The following SEL1L3 variants were observed in gnomAD, a reference collection of about 807,000 sequenced individuals.
SEL1L3 encodes protein sel-1 homolog 3.
A neutral mutation model predicts 142.8 loss-of-function variants in SEL1L3; 76 were observed. The ratio of observed to expected loss-of-function variants is 0.53; its 90% CI spans 0.44 to 0.64. The LOEUF is 0.64. SEL1L3 is among the 30% of genes least tolerant of loss of function. The pLI is 0.00. For missense variants in SEL1L3, 1,262 were observed against 1,381.7 expected (o/e 0.91, Z 1.37); for synonymous variants, 504 against 519.6 (o/e 0.97, Z 0.41).
At chr4:25,798,915 G>A (rs182552843) in intron 11 of SEL1L3, among the ~76,000 whole-genome samples, 1 of 152,298 alleles carries the variant, frequency 6.6e-6, no homozygotes, top group African/African-American at 2.4e-5. Context: ...CACAGCCTAG[G>A]TGACTCAGAA....
At chr4:25,855,228 T>A (rs1221972841) in intron 1 of SEL1L3, among the ~76,000 whole-genome samples, 1 of 152,262 alleles carries the variant, frequency 6.6e-6, no homozygotes, top group African/African-American at 2.4e-5. Flanking sequence ...ATAAGCTGTT[T>A]CCTGCCAGGA....
chr4:25,714,372 A>G, the SEL1L3 span, among the ~76,000 whole-genome samples: 1 of 152,126 alleles, frequency 6.6e-6, no homozygotes, highest in African/African-American at 2.4e-5. Flanking sequence ...ATACATTGCA[A>G]ATTTCATCAT....
At chr4:25,730,858 A>G in the SEL1L3 span, among the ~76,000 whole-genome samples, 1 of 152,106 alleles carries the variant, frequency 6.6e-6, no homozygotes, top group East Asian at 1.9e-4. Context: ...GCGAAACCCC[A>G]TCTTGGCTAA....
At chr4:25,721,877 G>A in the SEL1L3 span, among the ~76,000 whole-genome samples, 19 of 152,294 alleles carry the variant, frequency 1.2e-4, no homozygotes, top group African/African-American at 4.1e-4. Flanking sequence ...CATGATGGAC[G>A]TCTTCAAATG....
At chr4:25,847,067 G>A (rs1225848610) in intron 2 of SEL1L3, among the ~76,000 whole-genome samples, 1 of 152,010 alleles carries the variant, frequency 6.6e-6, no homozygotes, top group African/African-American at 2.4e-5. Context: ...CAGCTCCTCT[G>A]TTCTGTTCTT....
chr4:25,853,774 C>T (rs566191937), intron 1 of SEL1L3, among the ~76,000 whole-genome samples: 12 of 147,974 alleles, frequency 8.1e-5, no homozygotes, highest in Non-Finnish European at 1.2e-4. Context: ...CGGGTTCTAG[C>T]GATTCTCCTG....
intron 16 of SEL1L3, chr4:25,776,589 G>T: frequency 2.1e-6 from 1 of 482,578 alleles, no homozygotes; most frequent in South Asian, 2.5e-5. Flanking sequence ...TGGAAACAAA[G>T]ACATGTAAGA....
chr4:25,858,062 G>T (rs1415767102), intron 1 of SEL1L3, among the ~76,000 whole-genome samples: 1 of 152,258 alleles, frequency 6.6e-6, no homozygotes, highest in Non-Finnish European at 1.5e-5. Context: ...CTTTCTCAGG[G>T]GAATGGCATG....
chr4:25,824,239 G>A (rs547131358), intron 6 of SEL1L3, among the ~76,000 whole-genome samples: 3 of 152,212 alleles, frequency 2.0e-5, no homozygotes, highest in South Asian at 2.1e-4. Context: ...GGCACTAGAT[G>A]GATACAAAGC....
chr4:25,761,542 T>G (rs1214635164), intron 20 of SEL1L3, among the ~76,000 whole-genome samples: 3 of 152,224 alleles, frequency 2.0e-5, no homozygotes, highest in Non-Finnish European at 4.4e-5. Flanking sequence ...AATAGTCGTA[T>G]GCAATGTAAT....
intron 11 of SEL1L3, among the ~76,000 whole-genome samples, chr4:25,791,006 G>A (rs1013596115): frequency 1.3e-5 from 2 of 152,180 alleles, no homozygotes; most frequent in African/African-American, 4.8e-5. Context: ...ACGGTTGTTT[G>A]TTCCTATCAA....
rs191337194 is a variant in SEL1L3 at position 25,832,981 on chromosome 4, G to T, written c.1098+14C>A. 3.0e-4 allele frequency: 424 copies of T among 1,396,288 alleles called. 2 individuals carry two copies. In the Middle Eastern group the frequency reaches 3.9e-3, roughly 13 times the overall value. 86.5% of individuals were successfully genotyped at this position (1,396,288 alleles called of 1,614,324 possible). The stretch of plus-strand genomic sequence containing the variant: ...ATGCTCGTATGTCGTGTGATGAAGC[G>T]TGCATACAGATACCTGGCCTCCGTT... On this transcript the variant is annotated intron_variant, in intron 5 of 23. Transcript: ENST00000399878.
At chr4:25,771,449 C>A (rs1378943) in intron 17 of SEL1L3, among the ~76,000 whole-genome samples, 99,032 of 152,106 alleles carry the variant, frequency 0.65, 32,698 homozygotes, top group African/African-American at 0.74. Flanking sequence ...AATAATCAAT[C>A]CTTTGGCTGC....
intron 5 of SEL1L3, among the ~76,000 whole-genome samples, chr4:25,832,081 T>C (rs955433737): frequency 3.9e-5 from 6 of 152,180 alleles, no homozygotes; most frequent in African/African-American, 1.4e-4. Flanking sequence ...CACCGCTATG[T>C]CACTGAACAT....
intron 6 of SEL1L3, among the ~76,000 whole-genome samples, chr4:25,824,377 T>C (rs753496050): frequency 1.3e-5 from 2 of 152,200 alleles, no homozygotes; most frequent in Non-Finnish European, 2.9e-5. Flanking sequence ...ACCGCCTCAC[T>C]GCCTAGAGCT....
At chr4:25,801,245 A>T (rs1713162865) in intron 11 of SEL1L3, among the ~76,000 whole-genome samples, 1 of 152,214 alleles carries the variant, frequency 6.6e-6, no homozygotes, top group Admixed American at 6.5e-5. Context: ...TCTACTGAAA[A>T]TAAAAAAATT....
intron 17 of SEL1L3, among the ~76,000 whole-genome samples, chr4:25,768,235 T>C (rs974603280): frequency 2.6e-5 from 4 of 152,214 alleles, no homozygotes; most frequent in African/African-American, 9.6e-5. Context: ...CTTAAGATTC[T>C]GAACAAGCTT....
At chr4:25,845,581 G>A (rs1716455135) in intron 2 of SEL1L3, among the ~76,000 whole-genome samples, 1 of 152,208 alleles carries the variant, frequency 6.6e-6, no homozygotes, top group Admixed American at 6.5e-5. Context: ...TGGTGACACA[G>A]GTCCTTTCAG....
chr4:25,826,677 T>TTTTTG (rs376411871), intron 6 of SEL1L3, among the ~76,000 whole-genome samples: 104 of 152,140 alleles, frequency 6.8e-4, no homozygotes, highest in African/African-American at 2.3e-3. Context: ...TTTGTTTTGT[T>TTTTTG]TTTTGTTTTG....
Sources: gnomAD v4.1 joint callset for allele counts (sites outside exome capture counted in the v4.1 genomes callset) on GRCh38, gnomAD v4.1.1 for gene constraint, MANE v1.5 for transcripts, NCBI Gene and HGNC (gene_info 2026-07-23, HGNC 2026-07-21) for gene names.